Variants in MAF observed in about 807,000 individuals in gnomAD.
MAF encodes MAF bZIP transcription factor, also known as transcription factor Maf.
Under a neutral mutation model 22.0 loss-of-function variants are expected in MAF, and 10 were observed. The ratio of observed to expected loss-of-function variants is 0.45; its 90% CI spans 0.28 to 0.77. MAF has a LOEUF of 0.77. Ranked by LOEUF, MAF falls within the 30% of genes least tolerant of loss-of-function variation. The pLI is 0.12. For synonymous variants in MAF, 337 were observed against 255.8 expected (o/e 1.32, Z -3.03); for missense variants, 544 against 548.4 (o/e 0.99, Z 0.08).
chr16:79,256,869 C>G, the MAF span, among the ~76,000 whole-genome samples: 12 of 152,134 alleles, frequency 7.9e-5, no homozygotes, highest in African/African-American at 2.9e-4. Context: ...CACACAAACA[C>G]ACACACAAAC....
At chr16:79,419,109 C>T in the MAF span, among the ~76,000 whole-genome samples, 1 of 152,200 alleles carries the variant, frequency 6.6e-6, no homozygotes, top group Non-Finnish European at 1.5e-5. Context: ...TCCGAATTAA[C>T]TTCCCCCCTC....
chr16:79,246,814 T>G, the MAF span, among the ~76,000 whole-genome samples: 1 of 151,268 alleles, frequency 6.6e-6, no homozygotes, highest in Admixed American at 6.6e-5. Context: ...TGGAAATTGT[T>G]TGTGTCCATC....
the MAF span, among the ~76,000 whole-genome samples, chr16:79,440,173 T>G: frequency 6.6e-6 from 1 of 152,190 alleles, no homozygotes; most frequent in East Asian, 1.9e-4. Context: ...GATGGTGTGT[T>G]TCTAAGAATG....
rs1913794588 is a variant in MAF at position 79,599,102 on chromosome 16, C to T, written c.801G>A (p.Val267=). 1 of 1,605,310 alleles carries T rather than the reference C, an allele frequency of 6.2e-7. No homozygotes were observed. The highest frequency in any genetic ancestry group is 1.1e-5 in the South Asian group (1 of 90,708). The change falls in exon 1 of 2, where the codon GTG becomes GTA. Residue 267 remains valine, a synonymous_variant. Coordinates refer to ENST00000326043, the MANE Select transcript of MAF (RefSeq NM_005360.5). The stretch of plus-strand genomic sequence containing the variant: ...GGTTCAGCTCGCGCACAGACATGGT[C>T]ACCAGCTGCTCGTCGGAGAAGCGGT... ...FDDRFSDEQL[V]TMSVRELNRQ... is the part of the protein sequence containing the mutation.
chr16:79,496,872 C>A, the MAF span, among the ~76,000 whole-genome samples: 1 of 152,074 alleles, frequency 6.6e-6, no homozygotes, highest in Non-Finnish European at 1.5e-5. Context: ...CATGACAAAT[C>A]CCTCTGATTA....
chr16:79,329,028 C>G, the MAF span, among the ~76,000 whole-genome samples: 3 of 151,926 alleles, frequency 2.0e-5, no homozygotes, highest in Non-Finnish European at 4.4e-5. Context: ...CAAGCTGTAT[C>G]TTTCACACCC....
At chr16:79,422,342 T>G in the MAF span, among the ~76,000 whole-genome samples, 1 of 152,310 alleles carries the variant, frequency 6.6e-6, no homozygotes, top group East Asian at 1.9e-4. Flanking sequence ...CCAGAGGTTT[T>G]CTTCTGTTTT....
the MAF span, among the ~76,000 whole-genome samples, chr16:79,368,240 T>C: frequency 0.043 from 6,603 of 152,186 alleles, 279 homozygotes; most frequent in East Asian, 0.2. Context: ...TATCCTTACA[T>C]AAAAGCTCCT....
At chr16:79,470,414 G>T in the MAF span, among the ~76,000 whole-genome samples, 1 of 152,164 alleles carries the variant, frequency 6.6e-6, no homozygotes, top group Non-Finnish European at 1.5e-5. Context: ...ACTAGGGCAT[G>T]GCAGAAAGAG....
At chr16:79,567,180 T>C in the MAF span, among the ~76,000 whole-genome samples, 3 of 152,116 alleles carry the variant, frequency 2.0e-5, no homozygotes, top group South Asian at 2.1e-4. Context: ...TAGACAGGCA[T>C]TGTGGCAGGA....
the MAF span, among the ~76,000 whole-genome samples, chr16:79,397,856 G>A: frequency 6.6e-6 from 1 of 152,234 alleles, no homozygotes. Context: ...CAGCCAGGGT[G>A]CTGCTGATTC....
At chr16:79,526,780 G>A in the MAF span, among the ~76,000 whole-genome samples, 1 of 152,164 alleles carries the variant, frequency 6.6e-6, no homozygotes, top group Non-Finnish European at 1.5e-5. Flanking sequence ...TACTTTTGAA[G>A]TCACCAAACG....
chr16:79,429,849 C>T, the MAF span, among the ~76,000 whole-genome samples: 2 of 152,318 alleles, frequency 1.3e-5, no homozygotes, highest in South Asian at 4.1e-4. Context: ...ACTTTTCCCT[C>T]CAGCCTAACC....
chr16:79,570,100 C>A, the MAF span, among the ~76,000 whole-genome samples: 1 of 151,306 alleles, frequency 6.6e-6, no homozygotes, highest in African/African-American at 2.4e-5. Context: ...GACTCTACAC[C>A]AGCTCAAAAG....
At chr16:79,247,910 C>T in the MAF span, among the ~76,000 whole-genome samples, 4 of 152,080 alleles carry the variant, frequency 2.6e-5, no homozygotes, top group African/African-American at 9.7e-5. Flanking sequence ...TGAGTGAAAA[C>T]TCTTTTTATT....
chr16:79,414,976 C>G, the MAF span, among the ~76,000 whole-genome samples: 1 of 152,186 alleles, frequency 6.6e-6, no homozygotes, highest in Non-Finnish European at 1.5e-5. Context: ...ACAGGAAATT[C>G]TGCACCAGCT....
At chr16:79,591,111 C>T (rs1467214774), downstream of MAF, among the ~76,000 whole-genome samples, 3 of 152,086 alleles carry the variant, frequency 2.0e-5, no homozygotes, top group Admixed American at 6.5e-5. Context: ...AAGGTTTCAT[C>T]GCTTCTCCTG....
At chr16:79,419,911 G>A in the MAF span, among the ~76,000 whole-genome samples, 9 of 137,778 alleles carry the variant, frequency 6.5e-5, no homozygotes, top group East Asian at 4.0e-4. Context: ...TAAATCTCCC[G>A]GAAAAAAAAA....
the MAF span, among the ~76,000 whole-genome samples, chr16:79,248,876 C>G: frequency 6.6e-6 from 1 of 151,882 alleles, no homozygotes; most frequent in Non-Finnish European, 1.5e-5. Context: ...AAATTTTGTC[C>G]AAAAGAATCC....
Sources: allele counts gnomAD v4.1 joint callset (sites outside exome capture counted in the v4.1 genomes callset), GRCh38; gene constraint gnomAD v4.1.1; transcripts MANE v1.5; gene names NCBI Gene and HGNC (gene_info 2026-07-23, HGNC 2026-07-21).